SPAG17: variants seen among roughly 807,000 people sequenced by gnomAD.
SPAG17 encodes the protein sperm-associated antigen 17.
SPAG17 carries 169 observed loss-of-function variants against 273.6 expected under a neutral mutation model. That is an observed-to-expected ratio of 0.62 (90% CI 0.55 to 0.70). The LOEUF (loss-of-function observed/expected upper bound fraction) is 0.70. SPAG17 is among the 30% of genes least tolerant of loss of function. The probability of loss-of-function intolerance (pLI) is 0.00; values close to 1 mark genes in which losing one functional copy is unlikely to be tolerated. For synonymous variants in SPAG17, 825 were observed against 873.2 expected (o/e 0.94, Z 0.97); for missense variants, 2,557 against 2,627.8 (o/e 0.97, Z 0.59).
intron 3 of SPAG17, among the ~76,000 whole-genome samples, chr1:118,144,517 C>T (rs770243976): frequency 6.6e-6 from 1 of 152,214 alleles, no homozygotes; most frequent in Non-Finnish European, 1.5e-5. Context: ...TTCTTTGTTA[C>T]AGCTTGATAT....
chr1:118,173,164 T>A (rs558403221), intron 1 of SPAG17, among the ~76,000 whole-genome samples: 97 of 150,270 alleles, frequency 6.5e-4, no homozygotes, highest in African/African-American at 2.2e-3. Context: ...AACGTAGCAG[T>A]ATAGGAGTTA....
chr1:117,954,357 G>T (rs1047593743), intron 48 of SPAG17, among the ~76,000 whole-genome samples: 1 of 152,048 alleles, frequency 6.6e-6, no homozygotes, highest in Non-Finnish European at 1.5e-5. Context: ...GGTTTGGGAG[G>T]CAGGGTAACC....
At chr1:118,068,646 A>G (rs1289930646) in intron 17 of SPAG17, among the ~76,000 whole-genome samples, 1 of 152,154 alleles carries the variant, frequency 6.6e-6, no homozygotes, top group African/African-American at 2.4e-5. Context: ...CTGTATTAAT[A>G]TTATTGGTTA....
Position 117,953,845 on chromosome 1 carries a change from CA to C in SPAG17, c.*204del. On this transcript the variant is annotated 3_prime_UTR_variant, in exon 49 of 49. Transcript: ENST00000336338. ...CCTGTACATTAAAAAATAAGAAAAC[CA>C]AAAATGTCTTTAAATGCTTTTTGGC... 1.5e-6 allele frequency: 1 copy of C among 649,214 alleles called. No homozygotes were observed. Among genetic ancestry groups the C allele is most frequent in the Non-Finnish European group, 2.6e-6 (1 of 385,618 alleles). The allele number at this position is 649,214 out of a possible 1,614,324, so 40.2% of individuals were successfully genotyped here. A position where few individuals can be genotyped will look rare whatever the true frequency, so the allele number is the denominator to read the frequency against.
chr1:117,958,224 C>G (rs1188221372), intron 48 of SPAG17, among the ~76,000 whole-genome samples: 1 of 152,182 alleles, frequency 6.6e-6, no homozygotes, highest in African/African-American at 2.4e-5. Flanking sequence ...CTTAACCCTC[C>G]ATTTCTTATA....
intron 1 of SPAG17, among the ~76,000 whole-genome samples, chr1:118,164,159 T>TATATTATAA (rs1660056232): frequency 6.6e-6 from 1 of 152,200 alleles, no homozygotes; most frequent in South Asian, 2.1e-4. Flanking sequence ...TTATAACTAC[T>TATATTATAA]CCCATGCTAT....
At chr1:118,085,538 G>A (rs868764523) in intron 13 of SPAG17, among the ~76,000 whole-genome samples, 33 of 149,596 alleles carry the variant, frequency 2.2e-4, no homozygotes, top group South Asian at 1.1e-3. Context: ...GTGCGCGCGC[G>A]CACACACACA....
chr1:118,156,844 A>G (rs1371642047), intron 1 of SPAG17, among the ~76,000 whole-genome samples: 1 of 150,462 alleles, frequency 6.6e-6, no homozygotes. Flanking sequence ...AGTTTGATTT[A>G]TGGTGGAAGA....
At chr1:118,003,235 T>G (rs1383801853) in intron 32 of SPAG17, among the ~76,000 whole-genome samples, 1 of 152,204 alleles carries the variant, frequency 6.6e-6, no homozygotes, top group African/African-American at 2.4e-5. Context: ...TAACTCGACC[T>G]TTCTCTCTGG....
chr1:118,111,585 CA>C lies in SPAG17; in HGVS notation c.447+3724del, dbSNP rs1190432214. Among the ~76,000 whole-genome samples, 308 of 151,862 alleles carry C rather than the reference CA, an allele frequency of 2.0e-3. 2 individuals are homozygous for C. Among genetic ancestry groups the C allele is most frequent in the African/African-American group, 7.1e-3 (293 of 41,414 alleles). On this transcript the variant is annotated intron_variant, in intron 4 of 48. Transcript: ENST00000336338. ...ACACACACACACACACACACACACA[CA>C]CACACAAATGGCATTACCTTGGCTG...
chr1:117,988,269 A>T, intron 38 of SPAG17, 65 bp from the exon 39 acceptor site: 1 of 1,174,918 alleles, frequency 8.5e-7, no homozygotes, highest in Non-Finnish European at 1.2e-6. Flanking sequence ...CAATCAGTAC[A>T]CAATTACTCA....
At chr1:118,018,820 C>T (rs901864112) in intron 28 of SPAG17, among the ~76,000 whole-genome samples, 1 of 151,730 alleles carries the variant, frequency 6.6e-6, no homozygotes, top group African/African-American at 2.4e-5. Context: ...GAATTCTATA[C>T]CTAGTGAAAT....
chr1:118,111,359 C>T (rs1455869390), intron 4 of SPAG17, among the ~76,000 whole-genome samples: 1 of 152,062 alleles, frequency 6.6e-6, no homozygotes, highest in Non-Finnish European at 1.5e-5. Flanking sequence ...CGATAATCCA[C>T]CCTCAAAGAA....
intron 16 of SPAG17, 137 bp from the exon 17 acceptor site, chr1:118,074,104 A>G (rs1459534972): frequency 3.3e-6 from 2 of 604,586 alleles, no homozygotes; most frequent in Non-Finnish European, 2.8e-6. Context: ...ATATGGCAAC[A>G]TTTTAGGAGA....
chr1:118,109,126 T>C lies in SPAG17; in HGVS notation c.447+6184A>G, dbSNP rs150264376. Among the ~76,000 whole-genome samples, 238 of 152,062 alleles carry C rather than the reference T, an allele frequency of 1.6e-3. 1 individual carries two copies. The highest frequency in any genetic ancestry group is 5.4e-3 in the African/African-American group (223 of 41,510). On this transcript the variant is annotated intron_variant, in intron 4 of 48. Transcript: ENST00000336338. ...GTAAATGTCAGTGAAACTGATGATA[T>C]ATATCTATACTTCATCTTATTCTTT...
chr1:117,997,330 T>C (rs1202339972), intron 32 of SPAG17, among the ~76,000 whole-genome samples: 1 of 152,028 alleles, frequency 6.6e-6, no homozygotes, highest in Non-Finnish European at 1.5e-5. Context: ...AGAAAAATGC[T>C]TGGCTTAGAG....
intron 4 of SPAG17, among the ~76,000 whole-genome samples, chr1:118,103,897 G>A (rs980739846): frequency 2.1e-5 from 3 of 144,940 alleles, no homozygotes; most frequent in Non-Finnish European, 3.0e-5. Context: ...AAGAGGCTGC[G>A]TGTGTTCCAA....
chr1:118,005,383 GCT>G (rs1217374401), intron 32 of SPAG17, 29 bp downstream of exon 32: 1 of 1,540,810 alleles, frequency 6.5e-7, no homozygotes, highest in African/African-American at 1.4e-5. Flanking sequence ...AAAGCCACAG[GCT>G]CTCTCTCCAT....
chr1:118,130,643 C>A (rs770298551), intron 3 of SPAG17, among the ~76,000 whole-genome samples: 1 of 152,168 alleles, frequency 6.6e-6, no homozygotes, highest in Non-Finnish European at 1.5e-5. Flanking sequence ...CCACTGATGA[C>A]CTTCCCAGAG....
Sources: gnomAD v4.1 joint callset for allele counts (sites outside exome capture counted in the v4.1 genomes callset) on GRCh38, gnomAD v4.1.1 for gene constraint, MANE v1.5 for transcripts, NCBI Gene and HGNC (gene_info 2026-07-23, HGNC 2026-07-21) for gene names.